NAV2: variants seen among roughly 807,000 people sequenced by gnomAD.
The protein encoded by NAV2 is neuron navigator 2.
A neutral mutation model predicts 223.2 loss-of-function variants in NAV2; 54 were observed. That is an observed-to-expected ratio of 0.24 (90% CI 0.19 to 0.30). NAV2 has a LOEUF of 0.30. Among genes scored for constraint, NAV2 ranks in the 10% least tolerant of loss-of-function variants. The pLI is 1.00. For missense variants in NAV2, 2,806 were observed against 3,147.5 expected (o/e 0.89, Z 2.60); for synonymous variants, 1,279 against 1,239.3 (o/e 1.03, Z -0.67).
chr11:19,928,837 T>C (rs1263742098), intron 6 of NAV2, among the ~76,000 whole-genome samples: 1 of 152,186 alleles, frequency 6.6e-6, no homozygotes, highest in Admixed American at 6.5e-5. Context: ...GATCACGCCA[T>C]GAGTTGGGGA....
At chr11:19,797,463 C>T (rs2057982351) in intron 1 of NAV2, among the ~76,000 whole-genome samples, 1 of 152,192 alleles carries the variant, frequency 6.6e-6, no homozygotes, top group Non-Finnish European at 1.5e-5. Flanking sequence ...GAGTTTTGAT[C>T]TTAGACTATT....
In NAV2 at chr11:19,787,270, C is replaced by CTTTTTTTTTTTTTTTT. The variant is rs757183666; in HGVS notation, c.268-45201_268-45186dup. Among the ~76,000 whole-genome samples the CTTTTTTTTTTTTTTTT allele has an allele frequency of 5.5e-5, 3 of 55,008 alleles. 1 individual carries two copies. The highest frequency in any genetic ancestry group is 6.2e-5 in the African/African-American group (1 of 16,140). The allele number at this position is 55,008 out of a possible 152,430, so 36.1% of individuals were successfully genotyped here. A position where few individuals can be genotyped will look rare whatever the true frequency, so the allele number is the denominator to read the frequency against. On this transcript the variant is annotated intron_variant, in intron 1 of 37. Coordinates refer to ENST00000349880, the MANE Select transcript of NAV2 (RefSeq NM_145117.5). ...CATGCCTGGCTAATTTTTATTGGAT[C>CTTTTTTTTTTTTTTTT]TTTTTTTTTTTTTTTTTTTTTTTTT...
chr11:19,445,138 A>C (rs1036731907), intron 1 of NAV2, among the ~76,000 whole-genome samples: 1 of 152,188 alleles, frequency 6.6e-6, no homozygotes, highest in Non-Finnish European at 1.5e-5. Context: ...AGAGGCATGC[A>C]GAAGATTGAG....
chr11:19,646,371 C>T (rs979060927), intron 1 of NAV2, among the ~76,000 whole-genome samples: 1 of 152,166 alleles, frequency 6.6e-6, no homozygotes, highest in African/African-American at 2.4e-5. Context: ...TCATTTAATA[C>T]AAATATTCTT....
rs921156134 is a variant in NAV2, at chr11:19,876,645, G to A, written c.512-3224G>A. On this transcript the variant is annotated intron_variant, in intron 4 of 37. Transcript: ENST00000349880. ...GATCAATAAATGACTAAATGACAAT[G>A]GTAGGTAGAGAATACAACAGGACTG... Among the ~76,000 whole-genome samples, 3 of 152,234 alleles carry A rather than the reference G, an allele frequency of 2.0e-5. No homozygotes were observed. In the East Asian group the frequency reaches 5.8e-4, roughly 29 times the overall value.
chr11:19,604,307 G>T (rs1297305743), intron 1 of NAV2, among the ~76,000 whole-genome samples: 1 of 152,080 alleles, frequency 6.6e-6, no homozygotes, highest in Non-Finnish European at 1.5e-5. Flanking sequence ...GGACTGGGGG[G>T]GCATCGGTGG....
At chr11:19,750,269 A>G (rs1463097558) in intron 1 of NAV2, among the ~76,000 whole-genome samples, 1 of 152,234 alleles carries the variant, frequency 6.6e-6, no homozygotes, top group African/African-American at 2.4e-5. Flanking sequence ...GGTTTGGCAG[A>G]AATGGCCTTC....
intron 1 of NAV2, among the ~76,000 whole-genome samples, chr11:19,638,492 A>C (rs544044410): frequency 6.6e-6 from 1 of 152,356 alleles, no homozygotes; most frequent in South Asian, 2.1e-4. Flanking sequence ...TGGACTGACA[A>C]TACTAACACT....
intron 6 of NAV2, among the ~76,000 whole-genome samples, chr11:19,929,201 CA>C (rs2045082920): frequency 6.6e-6 from 1 of 152,082 alleles, no homozygotes; most frequent in South Asian, 2.1e-4. Context: ...TGCAGTGAGC[CA>C]AGATCGAGCC....
At chr11:19,686,121 G>T (rs1157851052) in intron 1 of NAV2, among the ~76,000 whole-genome samples, 1 of 152,052 alleles carries the variant, frequency 6.6e-6, no homozygotes, top group East Asian at 1.9e-4. Flanking sequence ...CCTCCTCCTT[G>T]GCTCCTCTCT....
intron 1 of NAV2, among the ~76,000 whole-genome samples, chr11:19,702,148 C>T (rs576961327): frequency 6.6e-6 from 1 of 152,278 alleles, no homozygotes; most frequent in South Asian, 2.1e-4. Flanking sequence ...TTTCCTAGTC[C>T]TTGTGCTCAG....
At chr11:19,850,663 A>C (rs2061062273) in intron 3 of NAV2, among the ~76,000 whole-genome samples, 1 of 152,158 alleles carries the variant, frequency 6.6e-6, no homozygotes, top group Admixed American at 6.5e-5. Context: ...AGAGGACCCA[A>C]ATAGAACATT....
At chr11:19,596,489 C>T (rs1162617024) in intron 1 of NAV2, among the ~76,000 whole-genome samples, 1 of 152,146 alleles carries the variant, frequency 6.6e-6, no homozygotes, top group Admixed American at 6.5e-5. Context: ...GAGGATTGTT[C>T]CCCTAATCAG....
chr11:19,868,121 C>A (rs542500317), intron 3 of NAV2, among the ~76,000 whole-genome samples: 19 of 152,158 alleles, frequency 1.2e-4, no homozygotes, highest in African/African-American at 4.3e-4. Context: ...GAGTGGGGTC[C>A]CCATTGTGAA....
At chr11:19,807,261 C>A (rs973936773) in intron 1 of NAV2, among the ~76,000 whole-genome samples, 1 of 152,204 alleles carries the variant, frequency 6.6e-6, no homozygotes, top group Non-Finnish European at 1.5e-5. Flanking sequence ...CAAACCAAAG[C>A]TCCAAACTGG....
chr11:19,937,357 C>CA (rs200692469), intron 7 of NAV2, among the ~76,000 whole-genome samples: 4,353 of 151,352 alleles, frequency 0.029, 233 homozygotes, highest in African/African-American at 0.097. Context: ...TTGCTCCCCC[C>CA]CCGCCCACCA....
intron 1 of NAV2, among the ~76,000 whole-genome samples, chr11:19,468,688 A>G (rs991953092): frequency 6.6e-6 from 1 of 152,210 alleles, no homozygotes; most frequent in African/African-American, 2.4e-5. Context: ...AATTCAACTC[A>G]TAACAGGAGG....
In NAV2 at chr11:20,077,569, C is replaced by G. The variant is rs2059841214; in HGVS notation, c.5001C>G (p.Ala1667=). ...CCCTCCAGGCTCACCTTGTGGCAGCCTTTGAACAGAGTCTTGGTAACATGA... is the reference window on the plus strand; with the variant it reads ...CCCTCCAGGCTCACCTTGTGGCAGCGTTTGAACAGAGTCTTGGTAACATGA... The part of the protein sequence containing the change: ...QLTANAHLVA[A]FEQSLGNMTI... The change falls in exon 23 of 38, where the codon GCC becomes GCG. Residue 1667 remains alanine, a synonymous_variant. Transcript: ENST00000349880. 2 of 1,613,806 alleles carry G rather than the reference C, an allele frequency of 1.2e-6. No homozygotes were observed. The highest frequency in any genetic ancestry group is 1.7e-6 in the Non-Finnish European group (2 of 1,179,850).
chr11:19,539,065 C>T (rs2044268087), intron 1 of NAV2, among the ~76,000 whole-genome samples: 1 of 152,156 alleles, frequency 6.6e-6, no homozygotes, highest in African/African-American at 2.4e-5. Flanking sequence ...TCTGTCATTT[C>T]TCATCCCTCT....
Sources: allele counts gnomAD v4.1 joint callset (sites outside exome capture counted in the v4.1 genomes callset), GRCh38; gene constraint gnomAD v4.1.1; transcripts MANE v1.5; gene names NCBI Gene and HGNC (gene_info 2026-07-23, HGNC 2026-07-21).